TXLNB: variants seen among roughly 807,000 people sequenced by gnomAD.
TXLNB encodes the protein taxilin beta, also known as beta-taxilin.
A neutral mutation model predicts 57.4 loss-of-function variants in TXLNB; 37 were observed. That is an observed-to-expected ratio of 0.64 (90% CI 0.50 to 0.85). TXLNB has a LOEUF of 0.85. Among genes scored for constraint, TXLNB ranks in the 40% least tolerant of loss-of-function variants. The probability of loss-of-function intolerance (pLI) is 0.00; values close to 1 mark genes in which losing one functional copy is unlikely to be tolerated. For synonymous variants in TXLNB, 302 were observed against 309.6 expected (o/e 0.98, Z 0.26); for missense variants, 848 against 825.6 (o/e 1.03, Z -0.33).
At chr6:139,208,418 G>A in the TXLNB span, among the ~76,000 whole-genome samples, 8 of 152,280 alleles carry the variant, frequency 5.3e-5, no homozygotes, top group East Asian at 1.2e-3. Flanking sequence ...TAGAGAAAGA[G>A]GGAATCCTTC....
chr6:139,316,472 A>G, the TXLNB span, among the ~76,000 whole-genome samples: 4 of 151,450 alleles, frequency 2.6e-5, no homozygotes, highest in Admixed American at 1.3e-4. Context: ...TTTTTTTCTT[A>G]TCACAGACCC....
At chr6:139,265,461 T>C (rs951864106) in intron 4 of TXLNB, among the ~76,000 whole-genome samples, 8 of 152,172 alleles carry the variant, frequency 5.3e-5, no homozygotes, top group Non-Finnish European at 7.3e-5. Context: ...TGTGTGTGTG[T>C]GCGTTTGACT....
At chr6:139,249,843 G>A (rs1294952626) in intron 7 of TXLNB, among the ~76,000 whole-genome samples, 2 of 152,062 alleles carry the variant, frequency 1.3e-5, no homozygotes, top group East Asian at 1.9e-4. Flanking sequence ...TGACAGAACC[G>A]AAATTTGTTT....
chr6:139,321,235 G>A, the TXLNB span, among the ~76,000 whole-genome samples: 1 of 152,160 alleles, frequency 6.6e-6, no homozygotes, highest in African/African-American at 2.4e-5. Context: ...CAAGATGATG[G>A]CATTAGGAGA....
At chr6:139,268,308 C>T (rs1363337075) in intron 4 of TXLNB, among the ~76,000 whole-genome samples, 1 of 151,910 alleles carries the variant, frequency 6.6e-6, no homozygotes, top group African/African-American at 2.4e-5. Context: ...AATAAGCGGA[C>T]AATTCCACAA....
chr6:139,276,556 G>T (rs1238223955), intron 3 of TXLNB, among the ~76,000 whole-genome samples: 1 of 152,186 alleles, frequency 6.6e-6, no homozygotes, highest in Non-Finnish European at 1.5e-5. Context: ...CCCTGATTTA[G>T]ATAACCAAAT....
At chr6:139,215,816 T>C in the TXLNB span, among the ~76,000 whole-genome samples, 283 of 152,288 alleles carry the variant, frequency 1.9e-3, no homozygotes, top group African/African-American at 6.6e-3. Context: ...GGGCGAAGGA[T>C]ATGAACAGAC....
chr6:139,300,035 C>A, the TXLNB span, among the ~76,000 whole-genome samples: 2 of 152,046 alleles, frequency 1.3e-5, no homozygotes, highest in African/African-American at 4.8e-5. Flanking sequence ...ATGACAAGTT[C>A]TTTTGATTCC....
In TXLNB at chr6:139,242,543, G is replaced by T. The variant is rs773371864; in HGVS notation, c.2038C>A (p.Leu680Met). The T allele has an allele frequency of 6.6e-7, 1 of 1,504,348 alleles. No homozygotes were observed. Among genetic ancestry groups the T allele is most frequent in the Non-Finnish European group, 8.9e-7 (1 of 1,128,600 alleles). The allele number at this position is 1,504,348 out of a possible 1,614,324, so 93.2% of individuals were successfully genotyped here. Residue 680 changes from leucine (L) to methionine (M), a missense_variant, in exon 10 of 10, where the codon CTG becomes ATG. Coordinates refer to ENST00000358430, the MANE Select transcript of TXLNB (RefSeq NM_153235.4). ...GGTGAGGCTTAGTCGACGCCTTCCA[G>T]ATTGGTGTCAGCCACGTTGCGCGGC... is the stretch of plus-strand genomic sequence containing the variant. ...PQPRNVADTN[L>M]EGVD
chr6:139,227,664 T>C, the TXLNB span, among the ~76,000 whole-genome samples: 1 of 152,180 alleles, frequency 6.6e-6, no homozygotes, highest in Non-Finnish European at 1.5e-5. Context: ...AATAGATAAG[T>C]TGTGGTATAT....
the TXLNB span, among the ~76,000 whole-genome samples, chr6:139,218,750 T>A: frequency 6.7e-6 from 1 of 148,234 alleles, no homozygotes; most frequent in Non-Finnish European, 1.5e-5. Flanking sequence ...AAACTCTGTC[T>A]AAAAAAAAAA....
the TXLNB span, among the ~76,000 whole-genome samples, chr6:139,193,057 C>G: frequency 6.6e-6 from 1 of 151,714 alleles, no homozygotes; most frequent in African/African-American, 2.4e-5. Flanking sequence ...GGTCATTTCT[C>G]AGTCCTCATC....
chr6:139,190,272 T>A, the TXLNB span, among the ~76,000 whole-genome samples: 2 of 151,854 alleles, frequency 1.3e-5, no homozygotes, highest in African/African-American at 4.8e-5. Flanking sequence ...GCCAACAGAT[T>A]TGGTGTCTGG....
intron 2 of TXLNB, among the ~76,000 whole-genome samples, chr6:139,284,588 G>A (rs1777129822): frequency 6.9e-6 from 1 of 145,408 alleles, no homozygotes. Context: ...CGTGAGGATA[G>A]GTAGAAATTT....
the TXLNB span, among the ~76,000 whole-genome samples, chr6:139,159,454 TC>T: frequency 4.1e-4 from 62 of 152,222 alleles, no homozygotes; most frequent in African/African-American, 1.5e-3. Context: ...TGTCTTTTTT[TC>T]CTCCTTTAAA....
downstream of TXLNB, chr6:139,239,072 C>A (rs1775869163): frequency 6.6e-6 from 1 of 152,262 alleles, no homozygotes; most frequent in South Asian, 2.1e-4. The surrounding 1 kb of genome is among the most constrained non-coding windows in gnomAD (Gnocchi z 4.7). Context: ...ATCAGTCTTA[C>A]AGGCAGGTCT....
the TXLNB span, among the ~76,000 whole-genome samples, chr6:139,204,308 G>T: frequency 6.6e-6 from 1 of 152,032 alleles, no homozygotes; most frequent in African/African-American, 2.4e-5. Context: ...CACCCACCTC[G>T]CCCTCCCAAA....
the TXLNB span, among the ~76,000 whole-genome samples, chr6:139,302,189 T>C: frequency 1.3e-5 from 2 of 152,086 alleles, no homozygotes; most frequent in Non-Finnish European, 2.9e-5. Flanking sequence ...AATTAAGCTG[T>C]TTTTAAAAAT....
At chr6:139,293,194 C>G (rs936857137), upstream of TXLNB, among the ~76,000 whole-genome samples, 3 of 152,078 alleles carry the variant, frequency 2.0e-5, no homozygotes, top group East Asian at 5.8e-4. Context: ...CGGGTTCAAG[C>G]GATTCTCCTC....
Sources: allele counts gnomAD v4.1 joint callset (sites outside exome capture counted in the v4.1 genomes callset), GRCh38; gene constraint gnomAD v4.1.1; non-coding constraint Gnocchi (gnomAD v3.1); transcripts MANE v1.5; gene names NCBI Gene and HGNC (gene_info 2026-07-23, HGNC 2026-07-21).